Variants in LARGE1 observed in about 807,000 individuals in gnomAD.
The protein encoded by LARGE1 is LARGE xylosyl- and glucuronyltransferase 1, also known as xylosyl- and glucuronyltransferase LARGE1.
Under a neutral mutation model 87.6 loss-of-function variants are expected in LARGE1, and 43 were observed. That is an observed-to-expected ratio of 0.49 (90% CI 0.38 to 0.63). The LOEUF (loss-of-function observed/expected upper bound fraction) is 0.63. Among genes scored for constraint, LARGE1 ranks in the 30% least tolerant of loss-of-function variants. The pLI is 0.00. For missense variants in LARGE1, 802 were observed against 1,000.2 expected, an observed-to-expected ratio of 0.80 and a Z score of 2.67; for synonymous variants, 434 against 394.6, an observed-to-expected ratio of 1.10 and a Z score of -1.18.
rs144026864 is a variant in LARGE1, at chr22:33,719,331, G to A, written c.106+42040C>T. Among the ~76,000 whole-genome samples the A allele has an allele frequency of 5.1e-3, 783 of 152,228 alleles. 8 individuals are homozygous for A. Among genetic ancestry groups the A allele is most frequent in the Middle Eastern group, 0.01 (3 of 294 alleles). ...GGCAAAACAGTTTTACAAATTTAGT[G>A]TAGCATAAGTGCGCAGTGTTTAGAA... On this transcript the variant is annotated intron_variant, in intron 2 of 14. Coordinates refer to ENST00000397394, the MANE Select transcript of LARGE1 (RefSeq NM_133642.5).
chr22:33,523,165 C>A (rs1185031972), intron 6 of LARGE1, among the ~76,000 whole-genome samples: 2 of 151,790 alleles, frequency 1.3e-5, no homozygotes, highest in African/African-American at 4.8e-5. Context: ...CCAGCACACC[C>A]AGATAATTTT....
chr22:33,192,889 A>AT (rs1453538948), intron 11 of LARGE1, among the ~76,000 whole-genome samples: 3 of 152,178 alleles, frequency 2.0e-5, no homozygotes, highest in African/African-American at 7.2e-5. Flanking sequence ...ATGTGTGGAT[A>AT]ATCAGTTTTC....
chr22:33,204,444 G>A (rs1013257358), intron 11 of LARGE1, among the ~76,000 whole-genome samples: 3 of 152,044 alleles, frequency 2.0e-5, no homozygotes, highest in African/African-American at 7.2e-5. Context: ...GCTTGAAAAC[G>A]TCTCATTTAA....
intron 5 of LARGE1, among the ~76,000 whole-genome samples, chr22:33,577,255 A>T (rs2078381952): frequency 6.6e-6 from 1 of 152,198 alleles, no homozygotes; most frequent in Non-Finnish European, 1.5e-5. Context: ...AAAAAGTATA[A>T]AAAGGCACAT....
At chr22:33,335,137 AAC>A (rs1300534261) in intron 10 of LARGE1, among the ~76,000 whole-genome samples, 1 of 152,224 alleles carries the variant, frequency 6.6e-6, no homozygotes, top group African/African-American at 2.4e-5. Flanking sequence ...GAGGTAGGAG[AAC>A]AGTTTCCATT....
At chr22:33,140,410 A>T in the LARGE1 span, among the ~76,000 whole-genome samples, 1 of 152,322 alleles carries the variant, frequency 6.6e-6, no homozygotes, top group African/African-American at 2.4e-5. Flanking sequence ...GATGGTTAAT[A>T]TTGAGTGTCA....
Position 33,305,899 on chromosome 22 carries a change from C to T in LARGE1, c.1452-1392G>A, listed in dbSNP as rs190555850. ...TCTGTTGCCCAGGATGGTGCAGTGGCGTGATCTCAGCTCACTGCAAGCTCC... is the reference window on the plus strand; with the variant it reads ...TCTGTTGCCCAGGATGGTGCAGTGGTGTGATCTCAGCTCACTGCAAGCTCC... On this transcript the variant is annotated intron_variant, in intron 11 of 14. Transcript: ENST00000397394. 6.0e-3 allele frequency among the ~76,000 whole-genome samples: 853 copies of T among 143,166 alleles called. 12 individuals carry two copies. The highest frequency in any genetic ancestry group is 0.022 in the African/African-American group (776 of 36,044). 93.9% of individuals were successfully genotyped at this position (143,166 alleles called of 152,430 possible).
chr22:33,211,927 C>A (rs1250716605), intron 11 of LARGE1, among the ~76,000 whole-genome samples: 1 of 152,202 alleles, frequency 6.6e-6, no homozygotes, highest in Non-Finnish European at 1.5e-5. Context: ...CAGGGCAAGA[C>A]CCTAACTCTC....
chr22:33,369,318 A>G (rs2064717950), intron 9 of LARGE1, among the ~76,000 whole-genome samples: 1 of 152,200 alleles, frequency 6.6e-6, no homozygotes, highest in Non-Finnish European at 1.5e-5. Flanking sequence ...AAGAAATAGA[A>G]TGGGATTCTC....
the LARGE1 span, among the ~76,000 whole-genome samples, chr22:33,127,633 A>C: frequency 2.0e-5 from 3 of 152,238 alleles, no homozygotes; most frequent in Non-Finnish European, 4.4e-5. Flanking sequence ...AACTTAAAGT[A>C]CAACATTCCT....
the LARGE1 span, among the ~76,000 whole-genome samples, chr22:33,077,943 C>CA: frequency 2.1e-5 from 3 of 146,286 alleles, no homozygotes; most frequent in Non-Finnish European, 3.0e-5. Flanking sequence ...GTTTCGTTTC[C>CA]TTTTTTTTTT....
intron 2 of LARGE1, chr22:33,723,750 T>C (rs1303267798): frequency 6.6e-6 from 1 of 152,150 alleles, no homozygotes; most frequent in Non-Finnish European, 1.5e-5. Flanking sequence ...CCATGTGTGA[T>C]GGTCTCTCTG....
chr22:33,383,224 C>T (rs1326274200), intron 8 of LARGE1, among the ~76,000 whole-genome samples: 1 of 152,142 alleles, frequency 6.6e-6, no homozygotes, highest in Non-Finnish European at 1.5e-5. Context: ...GAGCCCTCTG[C>T]CTTTCCTAGG....
At chr22:33,185,605 C>T (rs746593972) in intron 11 of LARGE1, among the ~76,000 whole-genome samples, 4 of 152,016 alleles carry the variant, frequency 2.6e-5, no homozygotes, top group Non-Finnish European at 5.9e-5. Flanking sequence ...AGCAAATGTA[C>T]CACCGTGGCA....
chr22:33,910,159 A>G (rs963161580), intron 1 of LARGE1, among the ~76,000 whole-genome samples: 1 of 152,092 alleles, frequency 6.6e-6, no homozygotes, highest in African/African-American at 2.4e-5. Context: ...CTTATGACAC[A>G]TTTTTTGCAA....
intron 4 of LARGE1, among the ~76,000 whole-genome samples, chr22:33,616,938 CTTTTAAAGAGCAAA>C (rs1185693233): frequency 6.6e-6 from 1 of 152,212 alleles, no homozygotes; most frequent in Admixed American, 6.5e-5. Flanking sequence ...AAATTGTACA[CTTTTAAAGAGCAAA>C]TTTTATCATA....
intron 1 of LARGE1, among the ~76,000 whole-genome samples, chr22:33,870,546 A>G (rs190541314): frequency 3.9e-4 from 50 of 128,516 alleles, no homozygotes; most frequent in Non-Finnish European, 6.2e-4. Flanking sequence ...CAACATCCCC[A>G]TGACTGTCTG....
At chr22:33,860,822 G>C (rs865819496) in intron 1 of LARGE1, among the ~76,000 whole-genome samples, 2 of 152,196 alleles carry the variant, frequency 1.3e-5, no homozygotes, top group South Asian at 2.1e-4. Flanking sequence ...ACAACAACTA[G>C]AATGGTGCAT....
chr22:33,598,073 C>A, intron 5 of LARGE1, among the ~76,000 whole-genome samples: 1 of 152,064 alleles, frequency 6.6e-6, no homozygotes, highest in East Asian at 1.9e-4. Flanking sequence ...AGAGAAGGAA[C>A]CTGCCCCCAT....
Sources: gnomAD v4.1 joint callset for allele counts (sites outside exome capture counted in the v4.1 genomes callset) on GRCh38, gnomAD v4.1.1 for gene constraint, MANE v1.5 for transcripts, NCBI Gene and HGNC (gene_info 2026-07-23, HGNC 2026-07-21) for gene names.